Variants in M1AP observed in about 807,000 individuals in gnomAD.
M1AP encodes meiosis 1 associated protein, also known as meiosis 1 arrest protein.
In M1AP, 39 loss-of-function variants were observed where a neutral mutation model predicts 51.2. The ratio of observed to expected loss-of-function variants is 0.76; its 90% CI spans 0.59 to 1.00. M1AP has a LOEUF of 1.00. M1AP is among the 50% of genes least tolerant of loss of function. The pLI is 0.00. For missense variants in M1AP, 545 were observed against 641.2 expected, an observed-to-expected ratio of 0.85 and a Z score of 1.62; for synonymous variants, 251 against 249.2, an observed-to-expected ratio of 1.01 and a Z score of -0.07.
intron 4 of M1AP, among the ~76,000 whole-genome samples, chr2:74,604,952 G>A (rs1252679299): frequency 6.6e-6 from 1 of 152,136 alleles, no homozygotes; most frequent in African/African-American, 2.4e-5. Context: ...GCTCACACCT[G>A]TAATCCCAGC....
At chr2:74,584,232 AG>A (rs1679573103) in intron 4 of M1AP, among the ~76,000 whole-genome samples, 1 of 152,212 alleles carries the variant, frequency 6.6e-6, no homozygotes, top group African/African-American at 2.4e-5. Flanking sequence ...CTTTGATTTG[AG>A]TAACAAGTAT....
At chr2:74,603,282 G>A (rs535139230) in intron 4 of M1AP, among the ~76,000 whole-genome samples, 1 of 152,256 alleles carries the variant, frequency 6.6e-6, no homozygotes, top group South Asian at 2.1e-4. Flanking sequence ...TATACACCAG[G>A]ACACAGAAAT....
intron 2 of M1AP, among the ~76,000 whole-genome samples, chr2:74,625,278 T>C (rs1411444724): frequency 6.6e-6 from 1 of 152,206 alleles, no homozygotes; most frequent in Non-Finnish European, 1.5e-5. Flanking sequence ...TGTTTTTTTC[T>C]TACTGAGTTG....
At chr2:74,640,422 A>C (rs1573196651) in intron 1 of M1AP, 95 bp from the exon 2 acceptor site, 1 of 1,109,870 alleles carries the variant, frequency 9.0e-7, no homozygotes, top group Non-Finnish European at 1.3e-6. Context: ...CAAATCCAGA[A>C]AGGAGTCAGA....
intron 2 of M1AP, chr2:74,628,474 C>A: frequency 4.7e-6 from 2 of 423,850 alleles, no homozygotes; most frequent in South Asian, 2.1e-5. Flanking sequence ...CCCATGATAA[C>A]CACTGCTAAC....
chr2:74,577,165 G>A (rs187363105), intron 5 of M1AP, among the ~76,000 whole-genome samples: 1 of 152,166 alleles, frequency 6.6e-6, no homozygotes, highest in Non-Finnish European at 1.5e-5. Context: ...CATTCAGAGT[G>A]GGGGGAAAGG....
At chr2:74,642,171 G>A (rs369374648) in intron 1 of M1AP, among the ~76,000 whole-genome samples, 2 of 152,046 alleles carry the variant, frequency 1.3e-5, no homozygotes, top group African/African-American at 2.4e-5. Context: ...CTTTGAAAGT[G>A]AAACCAGATA....
At chr2:74,620,049 T>G (rs1258703909) in intron 2 of M1AP, among the ~76,000 whole-genome samples, 1 of 152,228 alleles carries the variant, frequency 6.6e-6, no homozygotes, top group African/African-American at 2.4e-5. Flanking sequence ...TTTGGCAGTC[T>G]TCTCTATCTT....
chr2:74,631,329 ACT>A lies in M1AP; in HGVS notation c.240+8705_240+8706del, dbSNP rs552306152. ...TTCTGCTTTAGTGATTATCTTTATA[ACT>A]CTGTGTAATTCCCTTAAGTTAATCT... On this transcript the variant is annotated intron_variant, in intron 2 of 10. Transcript: ENST00000421985. Among the ~76,000 whole-genome samples the A allele has an allele frequency of 3.9e-5, 6 of 152,134 alleles. No individual in the cohort carries two copies. In the South Asian group the frequency reaches 8.3e-4, roughly 21 times the overall value.
chr2:74,573,938 A>G (rs908063354), intron 7 of M1AP, among the ~76,000 whole-genome samples: 2 of 152,208 alleles, frequency 1.3e-5, no homozygotes, highest in Non-Finnish European at 2.9e-5. Flanking sequence ...GTATCATCTC[A>G]GATTCTGAGG....
intron 6 of M1AP, 110 bp from the exon 7 acceptor site, chr2:74,575,689 TTA>T: frequency 1.2e-6 from 1 of 808,792 alleles, no homozygotes; most frequent in East Asian, 2.5e-5. Context: ...AGCTTTTAAA[TTA>T]GTGTCTGTGA....
intron 2 of M1AP, 129 bp downstream of exon 2, chr2:74,639,907 C>G (rs552318263): frequency 1.3e-6 from 1 of 795,346 alleles, no homozygotes; most frequent in Non-Finnish European, 2.0e-6. Flanking sequence ...TGGTGTTACT[C>G]GGGGGCTACT....
chr2:74,636,715 T>C (rs554712916), intron 2 of M1AP, among the ~76,000 whole-genome samples: 87 of 152,246 alleles, frequency 5.7e-4, no homozygotes, highest in African/African-American at 9.4e-4. Context: ...AAATGAAGTG[T>C]AGAAAACTTA....
chr2:74,584,708 A>C (rs896716427), intron 4 of M1AP, among the ~76,000 whole-genome samples: 1 of 150,542 alleles, frequency 6.6e-6, no homozygotes, highest in Non-Finnish European at 1.5e-5. Context: ...TATAAAATCA[A>C]CCAGAATGGT....
chr2:74,625,320 T>G (rs1438660128), intron 2 of M1AP, among the ~76,000 whole-genome samples: 1 of 152,222 alleles, frequency 6.6e-6, no homozygotes, highest in Non-Finnish European at 1.5e-5. Context: ...GAAAATTAAC[T>G]CTACATGATA....
At chr2:74,587,755 G>C (rs958551224) in intron 4 of M1AP, among the ~76,000 whole-genome samples, 1 of 152,138 alleles carries the variant, frequency 6.6e-6, no homozygotes, top group African/African-American at 2.4e-5. Context: ...GGAGTGAAAC[G>C]GTGGCCCTTA....
chr2:74,638,752 T>A (rs1683125649), intron 2 of M1AP, among the ~76,000 whole-genome samples: 1 of 152,214 alleles, frequency 6.6e-6, no homozygotes, highest in African/African-American at 2.4e-5. Context: ...ATGACTGACA[T>A]CTTGGCTACA....
chr2:74,641,863 T>TA (rs1683317204), intron 1 of M1AP, among the ~76,000 whole-genome samples: 2 of 150,708 alleles, frequency 1.3e-5, no homozygotes, highest in Non-Finnish European at 3.0e-5. Flanking sequence ...TTTTTTTTTT[T>TA]AGATGGAGTT....
intron 2 of M1AP, among the ~76,000 whole-genome samples, chr2:74,631,928 T>G (rs1682730353): frequency 6.6e-6 from 1 of 152,240 alleles, no homozygotes; most frequent in Non-Finnish European, 1.5e-5. Flanking sequence ...TATTTTAAGC[T>G]GCTTCTGCAG....
Sources: gnomAD v4.1 joint callset for allele counts (sites outside exome capture counted in the v4.1 genomes callset) on GRCh38, gnomAD v4.1.1 for gene constraint, MANE v1.5 for transcripts, NCBI Gene and HGNC (gene_info 2026-07-23, HGNC 2026-07-21) for gene names.